Variants in GAS7 observed in about 807,000 individuals in gnomAD.
The protein encoded by GAS7 is growth arrest specific 7, also known as growth arrest-specific protein 7.
GAS7 carries 28 observed loss-of-function variants against 71.1 expected under a neutral mutation model. That is an observed-to-expected ratio of 0.39 (90% confidence interval 0.29 to 0.54). The LOEUF (loss-of-function observed/expected upper bound fraction) is 0.54. Among genes scored for constraint, GAS7 ranks in the 20% least tolerant of loss-of-function variants. The pLI is 0.62. For missense variants in GAS7, 436 were observed against 627.8 expected (o/e 0.69, Z 3.27); for synonymous variants, 258 against 245.8 (o/e 1.05, Z -0.46).
rs542819058 is a variant in GAS7 at position 10,019,677 on chromosome 17, C to A, written c.304+100G>T. On this transcript the variant is annotated intron_variant, in intron 2 of 13. Coordinates refer to ENST00000432992, the MANE Select transcript of GAS7 (RefSeq NM_201433.2). The stretch of plus-strand genomic sequence containing the variant: ...TGAGCATAGACTTAAGAAGAAAAAA[C>A]CCCCAAACAGAGAGGCGAAGAAGGG... 1.9e-4 allele frequency: 226 copies of A among 1,201,702 alleles called. 1 individual carries two copies. The East Asian group carries it at 2.7e-3, about 14-fold the overall frequency. 74.4% of individuals were successfully genotyped at this position (1,201,702 alleles called of 1,614,324 possible).
chr17:9,948,340 T>C (rs986522450), intron 5 of GAS7, among the ~76,000 whole-genome samples: 4 of 152,208 alleles, frequency 2.6e-5, no homozygotes, highest in African/African-American at 9.6e-5. Context: ...GAGATTACCT[T>C]GCAAATTTTA....
chr17:10,142,282 G>A (rs917522728), intron 1 of GAS7, among the ~76,000 whole-genome samples: 1 of 151,914 alleles, frequency 6.6e-6, no homozygotes, highest in African/African-American at 2.4e-5. Context: ...AAAGCAGATT[G>A]TAAATCTTTC....
intron 1 of GAS7, among the ~76,000 whole-genome samples, chr17:10,086,578 G>A (rs2073522143): frequency 6.6e-6 from 1 of 152,186 alleles, no homozygotes; most frequent in South Asian, 2.1e-4. Context: ...ATGAAACATG[G>A]CATGAAAAGG....
At chr17:10,042,871 G>A (rs1482437451) in intron 1 of GAS7, among the ~76,000 whole-genome samples, 1 of 152,242 alleles carries the variant, frequency 6.6e-6, no homozygotes, top group East Asian at 1.9e-4. Flanking sequence ...TGATTCGGAA[G>A]GAAATGACAG....
intron 1 of GAS7, among the ~76,000 whole-genome samples, chr17:10,079,401 T>C (rs1428340911): frequency 1.3e-5 from 2 of 152,206 alleles, no homozygotes; most frequent in African/African-American, 4.8e-5. Flanking sequence ...GGATCAGACA[T>C]GCTTCATTAC....
chr17:10,102,876 C>G (rs2073718367), intron 1 of GAS7, among the ~76,000 whole-genome samples: 1 of 152,044 alleles, frequency 6.6e-6, no homozygotes, highest in African/African-American at 2.4e-5. Flanking sequence ...TTACTCTGCC[C>G]CAAATGAATG....
intron 1 of GAS7, 109 bp downstream of exon 1, chr17:10,198,099 G>A (rs2074554130): frequency 9.6e-7 from 1 of 1,044,568 alleles, no homozygotes; most frequent in Non-Finnish European, 1.4e-6. Context: ...TGCCCCCCGG[G>A]GCGCCCCTCC....
At chr17:10,164,170 C>A (rs952290463) in intron 1 of GAS7, among the ~76,000 whole-genome samples, 1 of 152,062 alleles carries the variant, frequency 6.6e-6, no homozygotes, top group Non-Finnish European at 1.5e-5. Context: ...GGACTGGGCG[C>A]GGTGGCTCAC....
At chr17:10,048,868 C>CA (rs1406040756) in intron 1 of GAS7, among the ~76,000 whole-genome samples, 1 of 152,206 alleles carries the variant, frequency 6.6e-6, no homozygotes, top group African/African-American at 2.4e-5. Context: ...TACAAACTCC[C>CA]AATGCAAAAA....
rs1327951104 is a variant in GAS7, at chr17:10,005,127, C to A, written c.304+14650G>T. On this transcript the variant is annotated intron_variant, in intron 2 of 13. Transcript: ENST00000432992. ...CATGTGTGTGCGTGTGCACGCATAC[C>A]AGCATGTGTGCGCGCACGCATGCAT... 8.1e-3 allele frequency among the ~76,000 whole-genome samples: 877 copies of A among 107,622 alleles called. 11 individuals are homozygous for A. Among genetic ancestry groups the A allele is most frequent in the East Asian group, 0.065 (278 of 4,292 alleles). The allele number at this position is 107,622 out of a possible 152,430, so 70.6% of individuals were successfully genotyped here.
chr17:10,047,324 TCAC>T (rs1352000841), intron 1 of GAS7, among the ~76,000 whole-genome samples: 1 of 152,108 alleles, frequency 6.6e-6, no homozygotes, highest in African/African-American at 2.4e-5. Flanking sequence ...ACGTGACAGT[TCAC>T]CAGGCAAAGG....
chr17:10,007,352 C>T (rs781189972), intron 2 of GAS7, among the ~76,000 whole-genome samples: 4 of 152,044 alleles, frequency 2.6e-5, no homozygotes, highest in African/African-American at 4.8e-5. Flanking sequence ...AGGCCGGGCA[C>T]GGTGGCTCAT....
At chr17:9,968,557 T>C (rs2069818968) in intron 4 of GAS7, among the ~76,000 whole-genome samples, 1 of 152,194 alleles carries the variant, frequency 6.6e-6, no homozygotes, top group African/African-American at 2.4e-5. Context: ...CTTAATAACG[T>C]TCCCCCAAAT....
Position 10,103,080 on chromosome 17 carries a change from A to G in GAS7, c.184-83183T>C, listed in dbSNP as rs964292823. Among the ~76,000 whole-genome samples the G allele has an allele frequency of 1.3e-5, 2 of 152,156 alleles. No homozygotes were observed. Among genetic ancestry groups the G allele is most frequent in the African/African-American group, 4.8e-5 (2 of 41,436 alleles). On this transcript the variant is annotated intron_variant, in intron 1 of 13. Coordinates refer to ENST00000432992, the MANE Select transcript of GAS7 (RefSeq NM_201433.2). This position sits in a 1 kb window ranked among gnomAD's most constrained non-coding sequence, Gnocchi z 5.5. ...ATTTTAACAAACCCTGACCGGACGT[A>G]GTGGCTCACACCTGTAATCCCAGCA...
chr17:10,176,681 AAGG>A (rs1240348570), intron 1 of GAS7, among the ~76,000 whole-genome samples: 1 of 152,140 alleles, frequency 6.6e-6, no homozygotes, highest in East Asian at 1.9e-4. Context: ...CCCTACTGAG[AAGG>A]AGATGAGGAG....
chr17:10,142,570 T>A (rs961812581), intron 1 of GAS7, among the ~76,000 whole-genome samples: 1 of 152,036 alleles, frequency 6.6e-6, no homozygotes, highest in Non-Finnish European at 1.5e-5. Flanking sequence ...GGTTTCACCA[T>A]GTTCGCCAGG....
rs558477092 is a variant in GAS7 at position 10,096,072 on chromosome 17, G to A, written c.184-76175C>T. ...CAGGTTCATCTGCTCCCTCAGCAGC[G>A]TCTCTGCAGATCACTCCCAAGTCTG... On this transcript the variant is annotated intron_variant, in intron 1 of 13. Coordinates refer to ENST00000432992, the MANE Select transcript of GAS7 (RefSeq NM_201433.2). Among the ~76,000 whole-genome samples the A allele has an allele frequency of 1.5e-4, 23 of 152,148 alleles. No homozygotes were observed. The East Asian group carries it at 2.5e-3, about 17-fold the overall frequency.
intron 1 of GAS7, among the ~76,000 whole-genome samples, chr17:10,141,524 T>A (rs1479072602): frequency 6.6e-6 from 1 of 151,678 alleles, no homozygotes; most frequent in Non-Finnish European, 1.5e-5. Flanking sequence ...TAGATCCAAG[T>A]CCCACTAAGA....
intron 1 of GAS7, among the ~76,000 whole-genome samples, chr17:10,126,526 C>G (rs1004804921): frequency 5.9e-5 from 6 of 101,664 alleles, no homozygotes; most frequent in African/African-American, 2.4e-4. Flanking sequence ...CACGCACACA[C>G]AAGCACACAC....
Sources: gnomAD v4.1 joint callset for allele counts (sites outside exome capture counted in the v4.1 genomes callset) on GRCh38, gnomAD v4.1.1 for gene constraint, Gnocchi (gnomAD v3.1) non-coding constraint, MANE v1.5 for transcripts, NCBI Gene and HGNC (gene_info 2026-07-23, HGNC 2026-07-21) for gene names.